NDST4: variants seen among roughly 807,000 people sequenced by gnomAD.
The protein encoded by NDST4 is N-heparan sulfate sulfotransferase 4.
In NDST4, 63 loss-of-function variants were observed where a neutral mutation model predicts 100.8. That is an observed-to-expected ratio of 0.62 (90% CI 0.51 to 0.77). The LOEUF (loss-of-function observed/expected upper bound fraction) is 0.77. Among genes scored for constraint, NDST4 ranks in the 30% least tolerant of loss-of-function variants. The pLI, the probability that NDST4 is intolerant of heterozygous loss-of-function variation, is 0.00. For synonymous variants in NDST4, 377 were observed against 361.8 expected (o/e 1.04, Z -0.48); for missense variants, 943 against 1,018.4 (o/e 0.93, Z 1.01).
Position 114,875,849 on chromosome 4 carries a change from G to T in NDST4, c.1537-4899C>A, listed in dbSNP as rs967800487. 3.3e-5 allele frequency among the ~76,000 whole-genome samples: 5 copies of T among 152,144 alleles called. No individual in the cohort carries two copies. The South Asian group carries it at 6.2e-4, about 19-fold the overall frequency. On this transcript the variant is annotated intron_variant, in intron 6 of 13. Coordinates refer to ENST00000264363, the MANE Select transcript of NDST4 (RefSeq NM_022569.3). ...CTGCCAAGTCCAGAATAGTTTCCTT[G>T]CTTTTCCTACTTGTATGACAAATAG...
At chr4:114,950,293 C>A (rs1182306313) in intron 4 of NDST4, among the ~76,000 whole-genome samples, 1 of 151,930 alleles carries the variant, frequency 6.6e-6, no homozygotes, top group Non-Finnish European at 1.5e-5. Context: ...TTCATTAAGG[C>A]AGGAATATTG....
chr4:115,051,312 C>T (rs10008192), intron 2 of NDST4, among the ~76,000 whole-genome samples: 1,923 of 151,460 alleles, frequency 0.013, 38 homozygotes, highest in African/African-American at 0.044. Context: ...TTTTTTATAG[C>T]GGTAAAATAT....
intron 7 of NDST4, among the ~76,000 whole-genome samples, chr4:114,862,240 C>G (rs972132005): frequency 3.3e-5 from 5 of 152,140 alleles, no homozygotes; most frequent in Admixed American, 6.5e-5. Flanking sequence ...ACACACCATA[C>G]ATAATCCCCA....
chr4:115,032,137 A>T (rs1396051914), intron 2 of NDST4, among the ~76,000 whole-genome samples: 1 of 152,220 alleles, frequency 6.6e-6, no homozygotes, highest in South Asian at 2.1e-4. Flanking sequence ...AACAAATCAC[A>T]TTTAAGCACA....
In NDST4 at chr4:115,058,498, G is replaced by A. The variant is rs575034093; in HGVS notation, c.978+17561C>T. ...GCATGATATTTTATCTCCTTTCCAT[G>A]TGCTGTTTTCCAATATGTAAACAAT... On this transcript the variant is annotated intron_variant, in intron 2 of 13. Transcript: ENST00000264363. Among the ~76,000 whole-genome samples the A allele has an allele frequency of 3.3e-5, 5 of 152,236 alleles. No individual in the cohort carries two copies. In the East Asian group the frequency reaches 9.7e-4, roughly 29 times the overall value.
At chr4:115,043,943 A>G (rs192181479) in intron 2 of NDST4, among the ~76,000 whole-genome samples, 1 of 152,104 alleles carries the variant, frequency 6.6e-6, no homozygotes, top group South Asian at 2.1e-4. Context: ...GTGACTTTCA[A>G]ATTTCATTAC....
intron 2 of NDST4, among the ~76,000 whole-genome samples, chr4:115,061,839 C>T (rs1261230454): frequency 6.6e-6 from 1 of 151,872 alleles, no homozygotes. Context: ...AGCTAAACTA[C>T]TTTAAAAAAG....
chr4:115,057,615 C>T, intron 2 of NDST4, among the ~76,000 whole-genome samples: 1 of 151,776 alleles, frequency 6.6e-6, no homozygotes, highest in East Asian at 1.9e-4. Context: ...ATCGATTCAG[C>T]CATAGTACTC....
chr4:114,970,420 A>T lies in NDST4; in HGVS notation c.1221+10T>A. The T allele has an allele frequency of 6.2e-7, 1 of 1,606,922 alleles. No individual in the cohort carries two copies. Among genetic ancestry groups the T allele is most frequent in the African/African-American group, 1.3e-5 (1 of 74,814 alleles). ...ATAGTTCAAAAGATACCACAATAAA[A>T]TGTGCTCACCAGTGCAAATTCCTTG... On this transcript the variant is annotated intron_variant, in intron 4 of 13. Transcript: ENST00000264363.
chr4:114,939,931 A>C lies in NDST4; in HGVS notation c.1222-2428T>G, dbSNP rs376570813. On this transcript the variant is annotated intron_variant, in intron 4 of 13. Transcript: ENST00000264363. ...CCCTAGCAACTCTTTTGCTATTATC[A>C]TGGCGCTTACAGACCGAGAAGCTTC... Among the ~76,000 whole-genome samples, 26 of 152,314 alleles carry C rather than the reference A, an allele frequency of 1.7e-4. No homozygotes were observed. In the East Asian group the frequency reaches 4.8e-3, roughly 28 times the overall value.
At chr4:114,840,156 C>T (rs1361248490) in intron 10 of NDST4, among the ~76,000 whole-genome samples, 2 of 152,102 alleles carry the variant, frequency 1.3e-5, no homozygotes, top group Non-Finnish European at 2.9e-5. Flanking sequence ...TATTACATCA[C>T]CCAAGGTCCT....
rs781559067 is a variant in NDST4 at position 114,937,434 on chromosome 4, T to A, written c.1291A>T (p.Ile431Phe). The A allele has an allele frequency of 6.2e-7, 1 of 1,613,428 alleles. No individual in the cohort carries two copies. The highest frequency in any genetic ancestry group is 1.7e-5 in the Admixed American group (1 of 59,990). Reference sequence around the variant, plus strand: ...TTCTTCCAAGCTGCATACAGCTGAATGTGAACCGGGTAGACCCCTGAGTGA... The same window carrying A: ...TTCTTCCAAGCTGCATACAGCTGAAAGTGAACCGGGTAGACCCCTGAGTGA... Reference protein sequence around the residue: ...PHHSGVYPVHIQLYAAWKKVW... With the variant: ...PHHSGVYPVHFQLYAAWKKVW... Residue 431 changes from isoleucine to phenylalanine, a missense_variant, in exon 5 of 14, where the codon ATT (isoleucine) becomes TTT (phenylalanine). Physicochemically the swap from Ile to Phe is conservative, Grantham distance 21. Coordinates refer to ENST00000264363, the MANE Select transcript of NDST4 (RefSeq NM_022569.3).
At chr4:114,979,348 T>G (rs1726714043) in intron 2 of NDST4, among the ~76,000 whole-genome samples, 1 of 150,716 alleles carries the variant, frequency 6.6e-6, no homozygotes, top group Non-Finnish European at 1.5e-5. Context: ...TCTATGCACC[T>G]GAAGCTCCAT....
At chr4:114,885,793 G>T (rs1215951691) in intron 6 of NDST4, among the ~76,000 whole-genome samples, 1 of 151,898 alleles carries the variant, frequency 6.6e-6, no homozygotes, top group Non-Finnish European at 1.5e-5. Context: ...CTAGCTGTGA[G>T]CATATCTGGA....
At chr4:115,030,088 G>A (rs977500577) in intron 2 of NDST4, among the ~76,000 whole-genome samples, 4 of 152,198 alleles carry the variant, frequency 2.6e-5, no homozygotes, top group African/African-American at 9.6e-5. Flanking sequence ...GAAAAAGGAA[G>A]ATTCCTGTGT....
intron 1 of NDST4, among the ~76,000 whole-genome samples, chr4:115,110,014 T>C (rs1409505418): frequency 1.3e-5 from 2 of 151,952 alleles, no homozygotes; most frequent in Non-Finnish European, 2.9e-5. Flanking sequence ...ATTGATGAGT[T>C]TGGAATTCAT....
chr4:114,942,719 G>A (rs1440398451), intron 4 of NDST4, among the ~76,000 whole-genome samples: 3 of 151,956 alleles, frequency 2.0e-5, no homozygotes, highest in Admixed American at 2.0e-4. Context: ...CTGACTTTAT[G>A]TTGGTAAATG....
intron 2 of NDST4, among the ~76,000 whole-genome samples, chr4:114,990,264 C>T (rs1464095927): frequency 3.9e-5 from 6 of 151,986 alleles, no homozygotes; most frequent in Admixed American, 1.3e-4. Flanking sequence ...ATAAAAAACA[C>T]ATTATTACTA....
intron 12 of NDST4, among the ~76,000 whole-genome samples, chr4:114,830,996 A>G (rs754799610): frequency 2.6e-5 from 4 of 152,256 alleles, no homozygotes; most frequent in Non-Finnish European, 5.9e-5. Context: ...AATTAAAATT[A>G]AATACATCAC....
Sources: allele counts gnomAD v4.1 joint callset (sites outside exome capture counted in the v4.1 genomes callset), GRCh38; gene constraint gnomAD v4.1.1; transcripts MANE v1.5; gene names NCBI Gene and HGNC (gene_info 2026-07-23, HGNC 2026-07-21).